Variants in VPS53 observed in about 807,000 individuals in gnomAD.
VPS53 encodes VPS53 subunit of GARP complex.
VPS53 carries 70 observed loss-of-function variants against 107.0 expected under a neutral mutation model. The ratio of observed to expected loss-of-function variants is 0.65; its 90% CI spans 0.54 to 0.80. The LOEUF (loss-of-function observed/expected upper bound fraction) is 0.80. Ranked by LOEUF, VPS53 falls within the 30% of genes least tolerant of loss-of-function variation. The pLI is 0.00. For missense variants in VPS53, 917 were observed against 1,049.4 expected, an observed-to-expected ratio of 0.87 and a Z score of 1.74; for synonymous variants, 409 against 393.3, an observed-to-expected ratio of 1.04 and a Z score of -0.47.
chr17:631,864 C>G (rs1157711909), intron 7 of VPS53, among the ~76,000 whole-genome samples: 1 of 151,958 alleles, frequency 6.6e-6, no homozygotes, highest in Non-Finnish European at 1.5e-5. Flanking sequence ...TAGGCCAACC[C>G]TTTACCTGAG....
At chr17:526,100 T>C (rs887577425) in intron 19 of VPS53, among the ~76,000 whole-genome samples, 7 of 151,970 alleles carry the variant, frequency 4.6e-5, no homozygotes, top group African/African-American at 1.7e-4. Flanking sequence ...TTATTTTCTG[T>C]ACATTAATTA....
chr17:587,500 T>C (rs2143000976), intron 12 of VPS53, among the ~76,000 whole-genome samples: 1 of 152,332 alleles, frequency 6.6e-6, no homozygotes, highest in East Asian at 1.9e-4. Context: ...AGGCAGACTA[T>C]ATTGTCTTTA....
chr17:654,584 A>G (rs1266330732), intron 6 of VPS53, among the ~76,000 whole-genome samples: 1 of 151,470 alleles, frequency 6.6e-6, no homozygotes, highest in Non-Finnish European at 1.5e-5. Flanking sequence ...TAAAAATACA[A>G]AAATTAACCG....
chr17:523,725 G>A (rs965809535), intron 19 of VPS53, among the ~76,000 whole-genome samples: 1 of 152,214 alleles, frequency 6.6e-6, no homozygotes, highest in Non-Finnish European at 1.5e-5. Flanking sequence ...AGCCAGCAAA[G>A]TGCAGGGCAT....
At position 514,533 on chromosome 17, in the gene VPS53, T is replaced by C. The variant is rs971712360; in HGVS notation, c.*4595A>G. On this transcript the variant is annotated 3_prime_UTR_variant, in exon 22 of 22. Transcript: ENST00000437048. ...TTCCAGCAGGTTATTCTGAGTGCTC[T>C]TCCTAGGGAAGGAACCCCATTTCCA... 3 of 151,822 alleles carry C rather than the reference T, an allele frequency of 2.0e-5. No homozygotes were observed. The highest frequency in any genetic ancestry group is 4.4e-5 in the Non-Finnish European group (3 of 67,946). The allele number at this position is 151,822 out of a possible 1,614,324, so 9.4% of individuals were successfully genotyped here. A position where few individuals can be genotyped will look rare whatever the true frequency, so the allele number is the denominator to read the frequency against.
chr17:656,670 CTG>C (rs1372347104), intron 5 of VPS53: 2 of 564,230 alleles, frequency 3.5e-6, no homozygotes, highest in Non-Finnish European at 6.2e-6. Flanking sequence ...AAATCATCCA[CTG>C]TGTTTCTTGG....
At chr17:712,749 T>C (rs961425076) in intron 1 of VPS53, among the ~76,000 whole-genome samples, 1 of 152,184 alleles carries the variant, frequency 6.6e-6, no homozygotes, top group Non-Finnish European at 1.5e-5. Context: ...CGCTATGTAA[T>C]TCATCCATGT....
rs558614397 is a variant in VPS53 at position 643,023 on chromosome 17, A to C, written c.608+10268T>G. Among the ~76,000 whole-genome samples the C allele has an allele frequency of 4.9e-4, 63 of 127,496 alleles. 1 individual carries two copies. The highest frequency in any genetic ancestry group is 1.6e-3 in the African/African-American group (60 of 38,038). The allele number at this position is 127,496 out of a possible 152,430, so 83.6% of individuals were successfully genotyped here. ...AAGCGAGGACAACACTCATACTTGG[A>C]AAGCGAGGACAACACTCATACTTGG... is the stretch of plus-strand genomic sequence containing the variant. On this transcript the variant is annotated intron_variant, in intron 7 of 21. Coordinates refer to ENST00000437048, the MANE Select transcript of VPS53 (RefSeq NM_001128159.3).
At position 518,953 on chromosome 17, in the gene VPS53, C is replaced by T. The variant is rs370209629; in HGVS notation, c.*175G>A. 186 of 664,114 alleles carry T rather than the reference C, an allele frequency of 2.8e-4. No individual in the cohort carries two copies. Among genetic ancestry groups the T allele is most frequent in the African/African-American group, 1.6e-3 (88 of 54,106 alleles). The allele number at this position is 664,114 out of a possible 1,614,324, so 41.1% of individuals were successfully genotyped here. On this transcript the variant is annotated 3_prime_UTR_variant, in exon 22 of 22. Coordinates refer to ENST00000437048, the MANE Select transcript of VPS53 (RefSeq NM_001128159.3). ...GAGCCCAGCCCTTACTCAGCGTCTC[C>T]GATTAGGGCAGGAAGTAAGACAGGG...
chr17:678,149 C>G (rs932946932), intron 4 of VPS53, among the ~76,000 whole-genome samples: 2 of 152,098 alleles, frequency 1.3e-5, no homozygotes, highest in Non-Finnish European at 2.9e-5. Context: ...GGCCCGGTGG[C>G]TCACGCCTGA....
intron 7 of VPS53, among the ~76,000 whole-genome samples, chr17:638,964 G>A (rs1270002763): frequency 6.6e-6 from 1 of 152,162 alleles, no homozygotes; most frequent in Non-Finnish European, 1.5e-5. Flanking sequence ...ATGTTGGCCT[G>A]CCTTGCTAGG....
At chr17:643,054 A>AACTG (rs1567701182) in intron 7 of VPS53, among the ~76,000 whole-genome samples, 10 of 92,332 alleles carry the variant, frequency 1.1e-4, no homozygotes, top group Admixed American at 3.1e-4. Flanking sequence ...CTTGGAAATC[A>AACTG]AGGACAACAC....
intron 16 of VPS53, 59 bp from the exon 17 acceptor site, chr17:552,009 G>C: frequency 6.9e-7 from 1 of 1,447,374 alleles, no homozygotes. Context: ...CTGAATGACT[G>C]ACACTCAGGC....
Position 628,671 on chromosome 17 carries a change from C to A in VPS53, c.688-440G>T, listed in dbSNP as rs567494562. Reference sequence around the variant, plus strand: ...CTCCACATGTGCCACTCTTCCCTGACTCCAACCTCTGGGATTCCTGTTCTT... The same window carrying A: ...CTCCACATGTGCCACTCTTCCCTGAATCCAACCTCTGGGATTCCTGTTCTT... On this transcript the variant is annotated intron_variant, in intron 8 of 21. Transcript: ENST00000437048. Among the ~76,000 whole-genome samples the A allele has an allele frequency of 2.0e-5, 3 of 152,332 alleles. No homozygotes were observed. The South Asian group carries it at 6.2e-4, about 32-fold the overall frequency.
intron 17 of VPS53, among the ~76,000 whole-genome samples, chr17:549,745 G>C (rs1911651266): frequency 6.6e-6 from 1 of 152,124 alleles, no homozygotes; most frequent in Admixed American, 6.5e-5. Flanking sequence ...ATGAGAGCTG[G>C]CAAAACGAAT....
intron 11 of VPS53, among the ~76,000 whole-genome samples, chr17:605,135 C>A (rs887606519): frequency 6.6e-6 from 1 of 152,150 alleles, no homozygotes; most frequent in Non-Finnish European, 1.5e-5. Context: ...GGGAACAGCA[C>A]GTGTCTGCCG....
intron 4 of VPS53, among the ~76,000 whole-genome samples, chr17:678,411 G>C (rs554988251): frequency 1.1e-3 from 165 of 151,966 alleles, no homozygotes; most frequent in African/African-American, 3.9e-3. Context: ...GACAGAGTGA[G>C]ACTCTGTCTC....
At chr17:602,124 C>G (rs1487411883) in intron 11 of VPS53, among the ~76,000 whole-genome samples, 1 of 152,242 alleles carries the variant, frequency 6.6e-6, no homozygotes, top group Non-Finnish European at 1.5e-5. Context: ...GGCTAAAACG[C>G]TCACGCATCC....
intron 5 of VPS53, among the ~76,000 whole-genome samples, chr17:658,137 A>C (rs7225900): frequency 1.4e-5 from 2 of 145,618 alleles, no homozygotes; most frequent in African/African-American, 5.1e-5. Context: ...TAAAGTGAGA[A>C]ACTCGGCAGG....
Sources: gnomAD v4.1 joint callset for allele counts (sites outside exome capture counted in the v4.1 genomes callset) on GRCh38, gnomAD v4.1.1 for gene constraint, MANE v1.5 for transcripts, NCBI Gene and HGNC (gene_info 2026-07-23, HGNC 2026-07-21) for gene names.